Variants in CLEC16A observed in about 807,000 individuals in gnomAD.
CLEC16A encodes the protein C-type lectin domain containing 16A, also known as protein CLEC16A.
CLEC16A carries 51 observed loss-of-function variants against 109.5 expected under a neutral mutation model. The ratio of observed to expected loss-of-function variants is 0.47; its 90% confidence interval spans 0.37 to 0.59. The LOEUF (loss-of-function observed/expected upper bound fraction) is 0.59, where lower values mean the gene tolerates loss of function less well. CLEC16A is among the 20% of genes least tolerant of loss of function. The pLI, the probability that CLEC16A is intolerant of heterozygous loss-of-function variation, is 0.00. For missense variants in CLEC16A, 1,339 were observed against 1,394.0 expected (o/e 0.96, Z 0.63); for synonymous variants, 673 against 564.2 (o/e 1.19, Z -2.73).
chr16:11,062,823 A>T (rs1338432718), intron 19 of CLEC16A, among the ~76,000 whole-genome samples: 1 of 141,256 alleles, frequency 7.1e-6, no homozygotes, highest in Admixed American at 7.7e-5. Context: ...AAATTGATCA[A>T]GTTGGCTGCA....
At chr16:11,142,217 G>A (rs1257730589) in intron 22 of CLEC16A, among the ~76,000 whole-genome samples, 1 of 152,164 alleles carries the variant, frequency 6.6e-6, no homozygotes, top group Non-Finnish European at 1.5e-5. Context: ...CTAGGCCATC[G>A]GACCCCCACA....
intron 18 of CLEC16A, among the ~76,000 whole-genome samples, chr16:11,059,410 G>A (rs562336822): frequency 6.6e-6 from 1 of 152,226 alleles, no homozygotes; most frequent in East Asian, 1.9e-4. Flanking sequence ...TTAGCATAGG[G>A]CCAGGAGATA....
chr16:11,166,623 C>G (rs1358373939), intron 23 of CLEC16A, 71 bp downstream of exon 23: 6 of 1,426,022 alleles, frequency 4.2e-6, no homozygotes, highest in Middle Eastern at 2.1e-4. Flanking sequence ...TTACCAAAAC[C>G]CCTGACCTCC....
intron 22 of CLEC16A, chr16:11,126,720 C>T (rs1231256603): frequency 1.2e-5 from 2 of 161,872 alleles, no homozygotes; most frequent in East Asian, 1.8e-4. Context: ...GACCACTTCT[C>T]CAGAAGACCG....
intron 1 of CLEC16A, among the ~76,000 whole-genome samples, chr16:10,947,073 G>C (rs963428181): frequency 2.0e-5 from 3 of 152,242 alleles, no homozygotes; most frequent in Admixed American, 1.3e-4. Flanking sequence ...CCTGGGAACT[G>C]CCTGGGTTCA....
intron 5 of CLEC16A, among the ~76,000 whole-genome samples, chr16:10,972,207 G>A (rs2042822722): frequency 6.6e-6 from 1 of 152,196 alleles, no homozygotes; most frequent in African/African-American, 2.4e-5. Flanking sequence ...TGTAGATTTG[G>A]CTAGTCAAGG....
intron 23 of CLEC16A, among the ~76,000 whole-genome samples, chr16:11,177,054 C>T (rs566056993): frequency 6.6e-6 from 1 of 152,292 alleles, no homozygotes; most frequent in Admixed American, 6.5e-5. Context: ...TTCCCGGGTC[C>T]CAGGCTGCTG....
intron 19 of CLEC16A, among the ~76,000 whole-genome samples, chr16:11,062,092 G>A (rs1290432468): frequency 6.6e-6 from 1 of 152,198 alleles, no homozygotes; most frequent in African/African-American, 2.4e-5. Flanking sequence ...TCAGAGGAAT[G>A]TGACTCACTG....
At position 11,126,028 on chromosome 16, in the gene CLEC16A, A is replaced by G; in HGVS notation, c.2523A>G (p.Gly841=). The G allele has an allele frequency of 6.2e-7, 1 of 1,612,358 alleles. No homozygotes were observed. The highest frequency in any genetic ancestry group is 1.1e-5 in the South Asian group (1 of 91,016). ...IQPTTEVLGF[G]LGSSTSTQHL... ...CCACCACTGAAGTCCTGGGGTTTGG[A>G]CTCGGCTCCTCCACCTCCACTCAGC... The change falls in exon 22 of 24, where the codon GGA becomes GGG. Residue 841 remains glycine (G), a synonymous_variant. Transcript: ENST00000409790.
At chr16:10,981,383 TAACTC>T (rs931921033) in intron 9 of CLEC16A, among the ~76,000 whole-genome samples, 6 of 152,230 alleles carry the variant, frequency 3.9e-5, no homozygotes, top group Non-Finnish European at 8.8e-5. Flanking sequence ...GGACGTGGGT[TAACTC>T]ATTGAATCAT....
chr16:11,012,268 C>T (rs1195319252), intron 11 of CLEC16A, among the ~76,000 whole-genome samples: 2 of 152,150 alleles, frequency 1.3e-5, no homozygotes, highest in Non-Finnish European at 2.9e-5. Context: ...TAGCATTAAA[C>T]ATTGAAATAA....
intron 14 of CLEC16A, 127 bp downstream of exon 14, chr16:11,040,003 C>A: frequency 8.5e-7 from 1 of 1,176,018 alleles, no homozygotes; most frequent in Non-Finnish European, 1.2e-6. Flanking sequence ...CAACCTCTCC[C>A]TCTGCCTCTC....
At chr16:11,022,927 A>G (rs1418305959) in intron 12 of CLEC16A, among the ~76,000 whole-genome samples, 7 of 147,810 alleles carry the variant, frequency 4.7e-5, no homozygotes, top group East Asian at 2.0e-4. Context: ...ATATATATGT[A>G]TATATAGGCC....
chr16:11,041,207 C>A (rs7185202), intron 14 of CLEC16A: 5 of 152,076 alleles, frequency 3.3e-5, no homozygotes, highest in Non-Finnish European at 7.4e-5. Context: ...TCAATCTTTC[C>A]AGCACTCATT....
Position 10,981,218 on chromosome 16 carries a change from C to T in CLEC16A, c.958-1660C>T, listed in dbSNP as rs78596307. ...GAAGGAATAAATGATCAGTTAAGGCCGCATTCATTCAAGGTACGTAACGGA... is the reference window on the plus strand; with the variant it reads ...GAAGGAATAAATGATCAGTTAAGGCTGCATTCATTCAAGGTACGTAACGGA... On this transcript the variant is annotated intron_variant, in intron 9 of 23. Transcript: ENST00000409790. Among the ~76,000 whole-genome samples, 1,159 of 152,246 alleles carry T rather than the reference C, an allele frequency of 7.6e-3. 16 individuals carry two copies. The highest frequency in any genetic ancestry group is 9.5e-3 in the Non-Finnish European group (647 of 68,014).
chr16:11,087,562 T>C (rs767143711), intron 19 of CLEC16A, among the ~76,000 whole-genome samples: 2 of 152,290 alleles, frequency 1.3e-5, no homozygotes, highest in Non-Finnish European at 2.9e-5. Flanking sequence ...GGTTAAGCCC[T>C]GTGTTTGAGT....
chr16:11,098,620 G>T (rs778679690), intron 19 of CLEC16A, among the ~76,000 whole-genome samples: 2 of 152,214 alleles, frequency 1.3e-5, no homozygotes, highest in Non-Finnish European at 2.9e-5. Flanking sequence ...AACCAGCCTG[G>T]TGGGGCTGGA....
intron 10 of CLEC16A, among the ~76,000 whole-genome samples, chr16:10,984,358 T>C (rs1441011474): frequency 6.6e-6 from 1 of 152,208 alleles, no homozygotes; most frequent in Non-Finnish European, 1.5e-5. Context: ...ATTGGGGCCT[T>C]TTCATGGCCC....
intron 19 of CLEC16A, among the ~76,000 whole-genome samples, chr16:11,093,311 C>G (rs1329027352): frequency 6.6e-6 from 1 of 152,230 alleles, no homozygotes; most frequent in African/African-American, 2.4e-5. Flanking sequence ...AACAAAGCCA[C>G]TTTTCCTCAG....
Sources: allele counts gnomAD v4.1 joint callset (sites outside exome capture counted in the v4.1 genomes callset), GRCh38; gene constraint gnomAD v4.1.1; transcripts MANE v1.5; gene names NCBI Gene and HGNC (gene_info 2026-07-23, HGNC 2026-07-21).